The following ADTRP variants were observed in gnomAD, a reference collection of about 807,000 sequenced individuals.
ADTRP encodes the protein androgen dependent TFPI regulating protein, also known as androgen-dependent TFPI-regulating protein.
ADTRP carries 20 observed loss-of-function variants against 27.0 expected under a neutral mutation model. That is an observed-to-expected ratio of 0.74 (90% CI 0.52 to 1.08). The LOEUF (loss-of-function observed/expected upper bound fraction) is 1.08, where lower values mean the gene tolerates loss of function less well. ADTRP is among the 50% of genes least tolerant of loss of function. The pLI, the probability that ADTRP is intolerant of heterozygous loss-of-function variation, is 0.00. For missense variants in ADTRP, 251 were observed against 275.0 expected (o/e 0.91, Z 0.62); for synonymous variants, 101 against 105.2 (o/e 0.96, Z 0.25).
intron 3 of ADTRP, among the ~76,000 whole-genome samples, chr6:11,740,878 G>T (rs1762692579): frequency 6.6e-6 from 1 of 152,184 alleles, no homozygotes; most frequent in African/African-American, 2.4e-5. Flanking sequence ...CTGGAAATGT[G>T]CACGTAGGCT....
chr6:11,728,994 G>A (rs971566537), intron 4 of ADTRP, among the ~76,000 whole-genome samples: 1 of 152,204 alleles, frequency 6.6e-6, no homozygotes, highest in Non-Finnish European at 1.5e-5. Flanking sequence ...ACCTCTGTGA[G>A]TTGGACTGGG....
chr6:11,744,934 T>C (rs899564100), intron 3 of ADTRP, among the ~76,000 whole-genome samples: 1 of 152,134 alleles, frequency 6.6e-6, no homozygotes, highest in Non-Finnish European at 1.5e-5. Context: ...TGGGAGATAA[T>C]AGTGGTTCTG....
intron 5 of ADTRP, among the ~76,000 whole-genome samples, chr6:11,716,328 A>G (rs888033840): frequency 1.3e-5 from 2 of 152,174 alleles, no homozygotes; most frequent in African/African-American, 2.4e-5. Flanking sequence ...ATGCAACAGA[A>G]CACGAAGGTT....
At chr6:11,770,352 G>A (rs1313062420) in intron 1 of ADTRP, among the ~76,000 whole-genome samples, 1 of 152,170 alleles carries the variant, frequency 6.6e-6, no homozygotes, top group African/African-American at 2.4e-5. Flanking sequence ...AGGAACTTCC[G>A]TTTGGAAATT....
chr6:11,770,421 T>A (rs1359309337), intron 1 of ADTRP, among the ~76,000 whole-genome samples: 1 of 151,932 alleles, frequency 6.6e-6, no homozygotes, highest in Non-Finnish European at 1.5e-5. Flanking sequence ...TGAGCCCTCC[T>A]GTGGAACAAG....
chr6:11,741,092 G>T (rs9394285), intron 3 of ADTRP, among the ~76,000 whole-genome samples: 1 of 151,948 alleles, frequency 6.6e-6, no homozygotes, highest in Non-Finnish European at 1.5e-5. Flanking sequence ...GGGGAGGAAG[G>T]GATTGGGGAG....
Position 11,734,507 on chromosome 6 carries a change from TA to T in ADTRP, c.506+1060del, listed in dbSNP as rs557035936. ...AGATTTATTGAGCAAGTGCTTTCTT[TA>T]AGATGGGAGAAGAAAGATTTGGGTA... On this transcript the variant is annotated intron_variant, in intron 4 of 5. Coordinates refer to ENST00000414691, the MANE Select transcript of ADTRP (RefSeq NM_032744.4). Among the ~76,000 whole-genome samples the T allele has an allele frequency of 9.2e-5, 14 of 152,224 alleles. No individual in the cohort carries two copies. In the South Asian group the frequency reaches 2.9e-3, roughly 32 times the overall value.
intron 3 of ADTRP, among the ~76,000 whole-genome samples, chr6:11,748,239 A>C (rs1762929566): frequency 6.6e-6 from 1 of 152,232 alleles, no homozygotes; most frequent in Non-Finnish European, 1.5e-5. Context: ...CTTTCTGTAT[A>C]AAAGAACACT....
At chr6:11,737,335 G>A (rs568209128) in intron 3 of ADTRP, among the ~76,000 whole-genome samples, 39 of 152,160 alleles carry the variant, frequency 2.6e-4, no homozygotes, top group African/African-American at 8.2e-4. Flanking sequence ...GCCCCATCTT[G>A]TTCCTGAGCC....
At chr6:11,755,051 A>G in intron 3 of ADTRP, 4 of 985,420 alleles carry the variant, frequency 4.1e-6, no homozygotes, top group Non-Finnish European at 4.8e-6. Flanking sequence ...GTTATTCTCC[A>G]GCATCAAGTC....
At chr6:11,735,929 G>C (rs1762536605) in intron 3 of ADTRP, 1 of 372,250 alleles carries the variant, frequency 2.7e-6, no homozygotes, top group East Asian at 5.0e-5. Flanking sequence ...CCTGCTTATT[G>C]CCCACTGCTC....
intron 3 of ADTRP, among the ~76,000 whole-genome samples, chr6:11,748,137 T>C (rs906943789): frequency 5.9e-5 from 9 of 152,204 alleles, no homozygotes; most frequent in Admixed American, 5.2e-4. Context: ...AAGTCAGTCA[T>C]GATTAGACCA....
intron 4 of ADTRP, chr6:11,728,453 T>C (rs1420591078): frequency 2.0e-5 from 3 of 152,584 alleles, no homozygotes; most frequent in Non-Finnish European, 4.4e-5. Context: ...CTTCACTGGG[T>C]ACACCTCTGA....
chr6:11,754,133 C>T (rs1198526824), intron 3 of ADTRP, among the ~76,000 whole-genome samples: 1 of 152,206 alleles, frequency 6.6e-6, no homozygotes, highest in Non-Finnish European at 1.5e-5. Flanking sequence ...TTTGAGCAGA[C>T]CTTTTACTCA....
At chr6:11,722,755 C>T (rs1006459201) in intron 5 of ADTRP, among the ~76,000 whole-genome samples, 11 of 152,096 alleles carry the variant, frequency 7.2e-5, no homozygotes, top group African/African-American at 2.7e-4. Flanking sequence ...CCACCTATAA[C>T]GAGAAAGCTT....
intron 1 of ADTRP, among the ~76,000 whole-genome samples, chr6:11,768,855 C>G (rs187078402): frequency 6.6e-6 from 1 of 151,974 alleles, no homozygotes; most frequent in Non-Finnish European, 1.5e-5. Context: ...AGAGGACCAC[C>G]ACGAATCTCT....
intron 3 of ADTRP, chr6:11,755,097 G>A: frequency 1.0e-6 from 1 of 985,252 alleles, no homozygotes; most frequent in Non-Finnish European, 1.2e-6. Context: ...TGGTTGCCAA[G>A]GATGTGAGCA....
chr6:11,758,849 A>C (rs1351784508), intron 3 of ADTRP, among the ~76,000 whole-genome samples: 1 of 152,104 alleles, frequency 6.6e-6, no homozygotes, highest in Non-Finnish European at 1.5e-5. Context: ...TCTGGCTGCA[A>C]AAAGGAACAT....
intron 3 of ADTRP, among the ~76,000 whole-genome samples, chr6:11,745,894 G>A (rs1581341305): frequency 2.0e-5 from 3 of 152,116 alleles, no homozygotes; most frequent in African/African-American, 7.2e-5. Flanking sequence ...GGGTTCAAGC[G>A]ATTCTCCTGC....
Sources: gnomAD v4.1 joint callset for allele counts (sites outside exome capture counted in the v4.1 genomes callset) on GRCh38, gnomAD v4.1.1 for gene constraint, MANE v1.5 for transcripts, NCBI Gene and HGNC (gene_info 2026-07-23, HGNC 2026-07-21) for gene names.